The following BRMS1L variants were observed in gnomAD, a reference collection of about 807,000 sequenced individuals.
The protein encoded by BRMS1L is BRMS1 like transcriptional repressor, also known as breast cancer metastasis-suppressor 1-like protein.
In BRMS1L, 23 loss-of-function variants were observed where a neutral mutation model predicts 50.3. That is an observed-to-expected ratio of 0.46 (90% CI 0.33 to 0.65). The LOEUF (loss-of-function observed/expected upper bound fraction) is 0.65. BRMS1L is among the 30% of genes least tolerant of loss of function. BRMS1L has a pLI of 0.02. For missense variants in BRMS1L, 286 were observed against 386.1 expected, an observed-to-expected ratio of 0.74 and a Z score of 2.17; for synonymous variants, 114 against 126.9, an observed-to-expected ratio of 0.90 and a Z score of 0.69.
chr14:35,828,622 C>T (rs936173972), intron 1 of BRMS1L, among the ~76,000 whole-genome samples: 5 of 152,010 alleles, frequency 3.3e-5, no homozygotes, highest in South Asian at 2.1e-4. Flanking sequence ...TACAGGCATG[C>T]GCCGCCACGC....
intron 4 of BRMS1L, among the ~76,000 whole-genome samples, chr14:35,835,923 A>G (rs901688340): frequency 5.9e-5 from 9 of 152,206 alleles, no homozygotes; most frequent in Non-Finnish European, 1.2e-4. Context: ...TCAAATCTAG[A>G]CAAGATTATA....
intron 4 of BRMS1L, among the ~76,000 whole-genome samples, chr14:35,844,481 C>T (rs1343927038): frequency 6.6e-6 from 1 of 152,152 alleles, no homozygotes; most frequent in Non-Finnish European, 1.5e-5. Context: ...GAGGTGATGC[C>T]CTACCCTGCT....
chr14:35,832,380 G>A (rs1477845206), intron 2 of BRMS1L, among the ~76,000 whole-genome samples: 1 of 150,850 alleles, frequency 6.6e-6, no homozygotes, highest in African/African-American at 2.4e-5. Flanking sequence ...TTAGCCGGGC[G>A]CCTGTAGTCC....
chr14:35,843,029 G>A (rs554138087), intron 4 of BRMS1L, among the ~76,000 whole-genome samples: 1 of 152,256 alleles, frequency 6.6e-6, no homozygotes, highest in African/African-American at 2.4e-5. Context: ...AGCTCCATCA[G>A]GACATTTATG....
chr14:35,846,692 T>G (rs1481505549), intron 4 of BRMS1L, among the ~76,000 whole-genome samples: 1 of 152,318 alleles, frequency 6.6e-6, no homozygotes, highest in Non-Finnish European at 1.5e-5. Flanking sequence ...AGTTTTGATA[T>G]GTACTATTAT....
intron 1 of BRMS1L, chr14:35,829,953 A>G: frequency 3.0e-6 from 2 of 667,322 alleles, no homozygotes; most frequent in Non-Finnish European, 3.8e-6. Flanking sequence ...TTTCCTCCTC[A>G]TTTGCCTCTT....
At chr14:35,858,013 T>TAA (rs776957122) in intron 4 of BRMS1L, among the ~76,000 whole-genome samples, 49 of 115,940 alleles carry the variant, frequency 4.2e-4, no homozygotes, top group African/African-American at 1.2e-3. Flanking sequence ...TCAAGAAAAG[T>TAA]AAAAAAAAAA....
chr14:35,850,073 C>T (rs571700465), intron 4 of BRMS1L, among the ~76,000 whole-genome samples: 4 of 152,074 alleles, frequency 2.6e-5, no homozygotes, highest in Non-Finnish European at 4.4e-5. Flanking sequence ...CCACCCGCCT[C>T]GGCCTCCCAA....
intron 4 of BRMS1L, among the ~76,000 whole-genome samples, chr14:35,849,500 T>C (rs2078181135): frequency 6.6e-6 from 1 of 151,940 alleles, no homozygotes; most frequent in African/African-American, 2.4e-5. Context: ...GGTCATGCTG[T>C]GTTGCCCAGG....
At chr14:35,853,018 A>ATCTATCTATC (rs1425702944) in intron 4 of BRMS1L, among the ~76,000 whole-genome samples, 10,780 of 146,648 alleles carry the variant, frequency 0.074, 391 homozygotes, top group East Asian at 0.088. Context: ...ATCTATCTAT[A>ATCTATCTATC]TATAGAGAGA....
At chr14:35,860,952 T>C (rs2078343206) in intron 4 of BRMS1L, among the ~76,000 whole-genome samples, 1 of 152,148 alleles carries the variant, frequency 6.6e-6, no homozygotes, top group South Asian at 2.1e-4. Context: ...AAGTAACTAT[T>C]GAACATAGAA....
chr14:35,846,081 T>C (rs1437967291), intron 4 of BRMS1L, among the ~76,000 whole-genome samples: 1 of 152,106 alleles, frequency 6.6e-6, no homozygotes, highest in East Asian at 1.9e-4. Context: ...ATAACCAAAG[T>C]ATAGTCATCA....
intron 9 of BRMS1L, 55 bp from the exon 10 acceptor site, chr14:35,870,305 G>C: frequency 9.0e-7 from 1 of 1,114,080 alleles, no homozygotes; most frequent in Non-Finnish European, 1.3e-6. Context: ...ATAATCTAAA[G>C]TGAATTGAGG....
chr14:35,857,383 C>T (rs2142057722), intron 4 of BRMS1L, among the ~76,000 whole-genome samples: 1 of 151,404 alleles, frequency 6.6e-6, no homozygotes, highest in Admixed American at 6.6e-5. Context: ...TAATGAAAAA[C>T]AGCAGTCTTC....
At chr14:35,848,485 A>G (rs2078166364) in intron 4 of BRMS1L, among the ~76,000 whole-genome samples, 1 of 152,058 alleles carries the variant, frequency 6.6e-6, no homozygotes. Context: ...ACAGGTGTGC[A>G]CCACTGCATC....
chr14:35,858,789 G>T (rs2078313685), intron 4 of BRMS1L: 1 of 151,898 alleles, frequency 6.6e-6, no homozygotes, highest in African/African-American at 2.4e-5. Context: ...TGAGAACATG[G>T]GCCTCTCCAC....
At chr14:35,846,999 G>T (rs1271307342) in intron 4 of BRMS1L, among the ~76,000 whole-genome samples, 1 of 151,928 alleles carries the variant, frequency 6.6e-6, no homozygotes, top group Non-Finnish European at 1.5e-5. Context: ...ATAAAACGCA[G>T]GGTCTCCCTT....
At chr14:35,850,970 G>A (rs1391675978) in intron 4 of BRMS1L, among the ~76,000 whole-genome samples, 1 of 152,066 alleles carries the variant, frequency 6.6e-6, no homozygotes, top group Non-Finnish European at 1.5e-5. Flanking sequence ...CACAGAATTT[G>A]GTTTCTTGTA....
At chr14:35,868,286 C>G (rs2078446517) in intron 9 of BRMS1L, among the ~76,000 whole-genome samples, 1 of 152,224 alleles carries the variant, frequency 6.6e-6, no homozygotes. Context: ...GGTAGCTGAT[C>G]CTGTTTCTTA....
Sources: allele counts gnomAD v4.1 joint callset (sites outside exome capture counted in the v4.1 genomes callset), GRCh38; gene constraint gnomAD v4.1.1; transcripts MANE v1.5; gene names NCBI Gene and HGNC (gene_info 2026-07-23, HGNC 2026-07-21).